Variants in CTCF observed in about 807,000 individuals in gnomAD.
The protein encoded by CTCF is transcriptional repressor CTCF.
In CTCF, 7 loss-of-function variants were observed where a neutral mutation model predicts 72.3. The observed-to-expected ratio is 0.10, with a 90% CI of 0.06 to 0.18. The LOEUF (loss-of-function observed/expected upper bound fraction) is 0.18, where lower values mean the gene tolerates loss of function less well. CTCF is among the 10% of genes least tolerant of loss of function. The pLI, the probability that CTCF is intolerant of heterozygous loss-of-function variation, is 1.00. For synonymous variants in CTCF, 374 were observed against 315.8 expected, an observed-to-expected ratio of 1.18 and a Z score of -1.95; for missense variants, 516 against 949.1, an observed-to-expected ratio of 0.54 and a Z score of 6.00.
rs2142828891 is a variant in CTCF, at chr16:67,612,072, G to A, written c.903G>A (p.Arg301=). The change falls in exon 4 of 12, where the codon AGG becomes AGA. Residue 301 remains arginine (R), a synonymous_variant. Transcript: ENST00000264010. ...ERPHKCHLCG[R]AFRTVTLLRN... ...CACACAAGTGCCATCTCTGTGGCAG[G>A]GCATTCAGAACAGTCACCCTCCTGA... The A allele has an allele frequency of 6.2e-7, 1 of 1,614,098 alleles. No homozygotes were observed. The highest frequency in any genetic ancestry group is 8.5e-7 in the Non-Finnish European group (1 of 1,180,014).
Position 67,628,570 on chromosome 16 carries a change from A to C in CTCF, c.1701+18A>C, listed in dbSNP as rs772825246. On this transcript the variant is annotated intron_variant, in intron 9 of 11. Coordinates refer to ENST00000264010, the MANE Select transcript of CTCF (RefSeq NM_006565.4). ...CACGTCGGGTAAGGGTCAGAACTTCACTTTGCCTGTTATGATACTGAATAT... is the reference window on the plus strand; with the variant it reads ...CACGTCGGGTAAGGGTCAGAACTTCCCTTTGCCTGTTATGATACTGAATAT... The C allele has an allele frequency of 1.2e-6, 2 of 1,610,754 alleles. No homozygotes were observed. Among genetic ancestry groups the C allele is most frequent in the East Asian group, 4.5e-5 (2 of 44,788 alleles).
chr16:67,631,682 C>CA (rs1440004789), intron 10 of CTCF, among the ~76,000 whole-genome samples: 1 of 57,106 alleles, frequency 1.8e-5, no homozygotes, highest in Non-Finnish European at 2.8e-5. Context: ...TCCCCCCCAC[C>CA]CCCCCCCCCT....
At chr16:67,626,453 A>G (rs1367790213) in intron 7 of CTCF, 102 bp from the exon 8 acceptor site, 7 of 152,382 alleles carry the variant, frequency 4.6e-5, no homozygotes, top group Non-Finnish European at 8.6e-5. Context: ...ACTCCGTCTC[A>G]AAAAAAAAAA....
At chr16:67,600,847 T>C (rs2051877077) in intron 2 of CTCF, among the ~76,000 whole-genome samples, 1 of 152,168 alleles carries the variant, frequency 6.6e-6, no homozygotes, top group African/African-American at 2.4e-5. Context: ...AAATGTGTCC[T>C]GTAAGTAAAT....
intron 2 of CTCF, among the ~76,000 whole-genome samples, chr16:67,602,843 A>G (rs1247622141): frequency 7.7e-6 from 1 of 130,262 alleles, no homozygotes; most frequent in Admixed American, 7.6e-5. Flanking sequence ...CTCCATCTCC[A>G]AAAAAAAAAA....
chr16:67,620,088 C>G (rs2052182440), intron 5 of CTCF, among the ~76,000 whole-genome samples: 1 of 152,182 alleles, frequency 6.6e-6, no homozygotes, highest in African/African-American at 2.4e-5. Context: ...ACAAATTGAT[C>G]TGTAAATAGG....
At chr16:67,583,142 G>A (rs1368986248) in intron 2 of CTCF, among the ~76,000 whole-genome samples, 3 of 151,272 alleles carry the variant, frequency 2.0e-5, no homozygotes, top group Non-Finnish European at 4.4e-5. Context: ...CAACTACCAC[G>A]CCTGGCTAAT....
intron 2 of CTCF, among the ~76,000 whole-genome samples, chr16:67,605,433 G>T (rs2051961128): frequency 6.6e-6 from 1 of 152,114 alleles, no homozygotes; most frequent in Non-Finnish European, 1.5e-5. Context: ...AGAAGCCTTT[G>T]CATTGGATGT....
intron 2 of CTCF, among the ~76,000 whole-genome samples, chr16:67,608,065 C>T (rs2052001715): frequency 6.7e-6 from 1 of 148,160 alleles, no homozygotes. Context: ...TGGCTCACAC[C>T]TGTAATCCCA....
chr16:67,585,835 A>G (rs903457616), intron 2 of CTCF, among the ~76,000 whole-genome samples: 1 of 151,186 alleles, frequency 6.6e-6, no homozygotes, highest in Non-Finnish European at 1.5e-5. Flanking sequence ...TTTTAAGGTT[A>G]TGTTGAGAGT....
At chr16:67,626,221 C>T (rs1212556356) in intron 7 of CTCF, among the ~76,000 whole-genome samples, 1 of 151,782 alleles carries the variant, frequency 6.6e-6, no homozygotes. Context: ...GGGCAGATCA[C>T]GAGGTCAGGA....
chr16:67,593,212 G>A (rs1028090655), intron 2 of CTCF, among the ~76,000 whole-genome samples: 6 of 151,358 alleles, frequency 4.0e-5, no homozygotes, highest in African/African-American at 9.7e-5. Context: ...TTTTAGATTC[G>A]GGGGTACATG....
chr16:67,605,221 C>T (rs1189649305), intron 2 of CTCF, among the ~76,000 whole-genome samples: 1 of 152,092 alleles, frequency 6.6e-6, no homozygotes, highest in Non-Finnish European at 1.5e-5. Flanking sequence ...GATCCACCCG[C>T]CTTCGCCTCC....
intron 2 of CTCF, among the ~76,000 whole-genome samples, chr16:67,603,967 A>G (rs2051934278): frequency 2.0e-5 from 3 of 150,872 alleles, no homozygotes; most frequent in Admixed American, 1.3e-4. Flanking sequence ...CACTTTTACT[A>G]AAAATACAAA....
intron 2 of CTCF, among the ~76,000 whole-genome samples, chr16:67,607,205 C>T (rs1478964667): frequency 1.3e-5 from 2 of 152,018 alleles, no homozygotes; most frequent in African/African-American, 2.4e-5. Flanking sequence ...GATCTGCCCG[C>T]CTCGGCCTCC....
At chr16:67,596,653 C>T (rs1170770051) in intron 2 of CTCF, among the ~76,000 whole-genome samples, 2 of 151,900 alleles carry the variant, frequency 1.3e-5, no homozygotes, top group African/African-American at 4.8e-5. Context: ...GGCACGATCT[C>T]GGCTCACTGC....
At chr16:67,626,092 T>G (rs984746244) in intron 7 of CTCF, among the ~76,000 whole-genome samples, 4 of 152,006 alleles carry the variant, frequency 2.6e-5, no homozygotes, top group Non-Finnish European at 5.9e-5. Flanking sequence ...CCTGCACCTG[T>G]TACTCTGCCT....
At chr16:67,590,460 T>C (rs534273931) in intron 2 of CTCF, among the ~76,000 whole-genome samples, 12 of 152,088 alleles carry the variant, frequency 7.9e-5, no homozygotes, top group Middle Eastern at 3.4e-3. Context: ...TTTAATTATT[T>C]CTACACACAC....
At chr16:67,573,875 A>G (rs937797461) in intron 2 of CTCF, among the ~76,000 whole-genome samples, 1 of 152,030 alleles carries the variant, frequency 6.6e-6, no homozygotes, top group Non-Finnish European at 1.5e-5. Context: ...TACTAAAAAT[A>G]CAAAATTTAG....
Sources: gnomAD v4.1 joint callset for allele counts (sites outside exome capture counted in the v4.1 genomes callset) on GRCh38, gnomAD v4.1.1 for gene constraint, MANE v1.5 for transcripts, NCBI Gene and HGNC (gene_info 2026-07-23, HGNC 2026-07-21) for gene names.